GATA6: variants seen among roughly 807,000 people sequenced by gnomAD.
The protein encoded by GATA6 is GATA binding protein 6.
GATA6 carries 11 observed loss-of-function variants against 48.1 expected under a neutral mutation model. The ratio of observed to expected loss-of-function variants is 0.23; its 90% CI spans 0.14 to 0.38. GATA6 has a LOEUF of 0.38. Ranked by LOEUF, GATA6 falls within the 10% of genes least tolerant of loss-of-function variation. GATA6 has a pLI of 1.00. For synonymous variants in GATA6, 419 were observed against 396.1 expected (o/e 1.06, Z -0.69); for missense variants, 795 against 850.3 (o/e 0.93, Z 0.81).
intron 6 of GATA6, among the ~76,000 whole-genome samples, chr18:22,196,930 T>C (rs879773296): frequency 6.6e-6 from 1 of 152,106 alleles, no homozygotes; most frequent in Non-Finnish European, 1.5e-5. Flanking sequence ...GGTAACTTGC[T>C]TGGGCTGAAG....
At chr18:22,195,304 G>C (rs191390664) in intron 6 of GATA6, among the ~76,000 whole-genome samples, 1 of 152,304 alleles carries the variant, frequency 6.6e-6, no homozygotes, top group Admixed American at 6.5e-5. Flanking sequence ...TTTCAGGGGC[G>C]GATGGGGGCC....
At chr18:22,191,423 A>T (rs2033327636) in intron 6 of GATA6, among the ~76,000 whole-genome samples, 1 of 137,960 alleles carries the variant, frequency 7.2e-6, no homozygotes, top group Non-Finnish European at 1.5e-5. Flanking sequence ...AAATAATGTT[A>T]CGGGAAAACA....
At position 22,181,466 on chromosome 18, in the gene GATA6, G is replaced by A. The variant is rs1462417792; in HGVS notation, c.1316G>A (p.Arg439Gln). Residue 439 changes from arginine (R) to glutamine (Q), a missense_variant, in exon 4 of 7, where the codon CGG (arginine) becomes CAG (glutamine). Coordinates refer to ENST00000269216, the MANE Select transcript of GATA6 (RefSeq NM_005257.6). ...KPQKRVPSSR[R>Q]LGLSCANCHT... ...TACTGTTTCTAGCCTTCATCACGGC[G>A]GCTTGGATTGTCCTGTGCCAACTGT... The A allele has an allele frequency of 6.8e-6, 11 of 1,613,928 alleles. No individual in the cohort carries two copies. The highest frequency in any genetic ancestry group is 6.7e-5 in the Admixed American group (4 of 59,984).
chr18:22,201,800 A>C lies in GATA6; in HGVS notation c.*977A>C, dbSNP rs2033465716. 6.6e-6 allele frequency: 1 copy of C among 152,612 alleles called. No individual in the cohort carries two copies. Among genetic ancestry groups the C allele is most frequent in the Admixed American group, 6.5e-5 (1 of 15,280 alleles). The allele number at this position is 152,612 out of a possible 1,614,324, so 9.5% of individuals were successfully genotyped here. On this transcript the variant is annotated 3_prime_UTR_variant, in exon 7 of 7. Coordinates refer to ENST00000269216, the MANE Select transcript of GATA6 (RefSeq NM_005257.6). ...GGAAAAATTGCAACAACACTTTACTACCTAACGGATAGCATTTGTAAATAC... is the reference window on the plus strand; with the variant it reads ...GGAAAAATTGCAACAACACTTTACTCCCTAACGGATAGCATTTGTAAATAC...
In GATA6 at chr18:22,185,847, G is replaced by A. The variant is rs1290016197; in HGVS notation, c.1620+2804G>A. On this transcript the variant is annotated intron_variant, in intron 6 of 6. Transcript: ENST00000269216. This position sits in a 1 kb window ranked among gnomAD's most constrained non-coding sequence, Gnocchi z 4.3. ...GGGTGGGCTGAGCCTTCATGTGTAT[G>A]GCATGGCCCATGTGGCTGCCGAGTA... Among the ~76,000 whole-genome samples the A allele has an allele frequency of 6.6e-6, 1 of 152,196 alleles. No individual in the cohort carries two copies. Among genetic ancestry groups the A allele is most frequent in the Non-Finnish European group, 1.5e-5 (1 of 68,038 alleles).
intron 3 of GATA6, among the ~76,000 whole-genome samples, chr18:22,177,952 GTTTTTTTTTTTTTTTTTTT>G (rs775374335): frequency 1.2e-5 from 1 of 80,458 alleles, no homozygotes; most frequent in African/African-American, 4.9e-5. Flanking sequence ...CTGTTTTTTT[GTTTTTTTTTTTTTTTTTTT>G]TTTTTTTGAG....
intron 5 of GATA6, 42 bp downstream of exon 5, chr18:22,182,886 A>G (rs2033216118): frequency 6.2e-7 from 1 of 1,601,284 alleles, no homozygotes; most frequent in South Asian, 1.1e-5. Context: ...AGTATTTGCC[A>G]ACCTTAACAG....
At chr18:22,175,104 C>G (rs924010248) in intron 2 of GATA6, among the ~76,000 whole-genome samples, 1 of 152,112 alleles carries the variant, frequency 6.6e-6, no homozygotes, top group African/African-American at 2.4e-5. Flanking sequence ...GGTGAGCAAG[C>G]CCCCAGCTTT....
rs1403084722 is a variant in GATA6 at position 22,170,972 on chromosome 18, A to G, written c.-37-136A>G. The G allele has an allele frequency of 1.6e-6, 1 of 635,450 alleles. No individual in the cohort carries two copies. Among genetic ancestry groups the G allele is most frequent in the African/African-American group, 1.8e-5 (1 of 54,722 alleles). 39.4% of individuals were successfully genotyped at this position (635,450 alleles called of 1,614,324 possible). A position where few individuals can be genotyped will look rare whatever the true frequency, so the allele number is the denominator to read the frequency against. On this transcript the variant is annotated intron_variant, in intron 1 of 6. Coordinates refer to ENST00000269216, the MANE Select transcript of GATA6 (RefSeq NM_005257.6). The surrounding 1 kb of genome is among the most constrained non-coding windows in gnomAD (Gnocchi z 6.7). ...CCGGGGCAGAAATAGGATCTTTGAG[A>G]AGTCTCAAATGGGATCTTTGAGAAG...
intron 6 of GATA6, among the ~76,000 whole-genome samples, chr18:22,191,185 C>CAGATA: frequency 6.6e-6 from 1 of 151,820 alleles, no homozygotes; most frequent in African/African-American, 2.4e-5. Flanking sequence ...AACATATGTC[C>CAGATA]ACATAATTTA....
chr18:22,197,079 C>CTTTT (rs34814440), intron 6 of GATA6, among the ~76,000 whole-genome samples: 2 of 133,702 alleles, frequency 1.5e-5, no homozygotes, highest in African/African-American at 5.7e-5. Context: ...TTAGCCAATT[C>CTTTT]TTTTTTTTTT....
intron 4 of GATA6, among the ~76,000 whole-genome samples, chr18:22,182,393 T>C (rs1391259508): frequency 3.3e-5 from 5 of 151,864 alleles, no homozygotes; most frequent in Non-Finnish European, 7.4e-5. Flanking sequence ...GTCTAACTCT[T>C]GTTGCCCAGG....
intron 3 of GATA6, 137 bp downstream of exon 3, chr18:22,177,258 C>A (rs2033134978): frequency 3.9e-6 from 3 of 767,960 alleles, no homozygotes; most frequent in Non-Finnish European, 5.8e-6. Context: ...CCCACCCTAG[C>A]GGGGACCCAG....
intron 6 of GATA6, among the ~76,000 whole-genome samples, chr18:22,198,241 T>C (rs2033416036): frequency 6.6e-6 from 1 of 152,086 alleles, no homozygotes; most frequent in African/African-American, 2.4e-5. Flanking sequence ...CAGCTAACTT[T>C]TGTATTTTTT....
Position 22,182,680 on chromosome 18 carries a change from C to A in GATA6, c.1429-77C>A. On this transcript the variant is annotated intron_variant, in intron 4 of 6. Transcript: ENST00000269216. ...GCCGCCAAATTCTTTTAAATGAGAG[C>A]TTTTAGTGCCAATGTTGGGTCTTTG... 4.8e-6 allele frequency: 5 copies of A among 1,050,746 alleles called. No homozygotes were observed. The South Asian group carries it at 7.0e-5, about 15-fold the overall frequency. 65.1% of individuals were successfully genotyped at this position (1,050,746 alleles called of 1,614,324 possible). A position where few individuals can be genotyped will look rare whatever the true frequency, so the allele number is the denominator to read the frequency against.
intron 6 of GATA6, among the ~76,000 whole-genome samples, chr18:22,188,248 A>G (rs2033288162): frequency 6.6e-6 from 1 of 152,260 alleles, no homozygotes; most frequent in Non-Finnish European, 1.5e-5. Context: ...AGTAAAACAA[A>G]GTGCCACATC....
chr18:22,194,627 C>G (rs1356292460), intron 6 of GATA6, among the ~76,000 whole-genome samples: 4 of 152,014 alleles, frequency 2.6e-5, no homozygotes, highest in Admixed American at 2.0e-4. Context: ...ATATATCAAC[C>G]AATTGAAATT....
chr18:22,184,298 G>A (rs1293856610), intron 6 of GATA6, among the ~76,000 whole-genome samples: 1 of 150,336 alleles, frequency 6.7e-6, no homozygotes, highest in Non-Finnish European at 1.5e-5. Context: ...GAAACAAAAC[G>A]TCTTTTTAGA....
In GATA6 at chr18:22,201,874, C is replaced by CTA; in HGVS notation, c.*1051_*1052insTA. On this transcript the variant is annotated 3_prime_UTR_variant, in exon 7 of 7. Transcript: ENST00000269216. ...ATGAAGTCTGTATAGTGTGACTAAC[C>CTA]CACAGGCAGGTTGGTTTACATTAAT... The CTA allele has an allele frequency of 6.6e-6, 1 of 152,654 alleles. No individual in the cohort carries two copies. The highest frequency in any genetic ancestry group is 3.4e-3 in the Middle Eastern group (1 of 294). The allele number at this position is 152,654 out of a possible 1,614,324, so 9.5% of individuals were successfully genotyped here.
Sources: allele counts gnomAD v4.1 joint callset (sites outside exome capture counted in the v4.1 genomes callset), GRCh38; gene constraint gnomAD v4.1.1; non-coding constraint Gnocchi (gnomAD v3.1); transcripts MANE v1.5; gene names NCBI Gene and HGNC (gene_info 2026-07-23, HGNC 2026-07-21).